The following ZXDC variants were observed in gnomAD, a reference collection of about 807,000 sequenced individuals.
ZXDC encodes zinc finger protein ZXDC.
ZXDC carries 58 observed loss-of-function variants against 63.6 expected under a neutral mutation model. That is an observed-to-expected ratio of 0.91 (90% confidence interval 0.74 to 1.13). ZXDC has a LOEUF of 1.13. ZXDC is among the 50% of genes most tolerant of loss of function. The probability of loss-of-function intolerance (pLI) is 0.00; values close to 1 mark genes in which losing one functional copy is unlikely to be tolerated. For synonymous variants in ZXDC, 561 were observed against 496.1 expected, an observed-to-expected ratio of 1.13 and a Z score of -1.74; for missense variants, 1,133 against 1,148.9, an observed-to-expected ratio of 0.99 and a Z score of 0.20.
At chr3:126,469,875 G>A (rs2107657086) in intron 4 of ZXDC, among the ~76,000 whole-genome samples, 1 of 152,304 alleles carries the variant, frequency 6.6e-6, no homozygotes, top group East Asian at 1.9e-4. Flanking sequence ...TTGTATATAT[G>A]TTCATTATGT....
intron 7 of ZXDC, chr3:126,453,119 A>T (rs758054088): frequency 1.0e-6 from 1 of 985,418 alleles, no homozygotes; most frequent in Non-Finnish European, 1.2e-6. Context: ...AAAGGGGGAG[A>T]ACTGAGGAAC....
At chr3:126,456,717 T>A (rs916605069) in intron 7 of ZXDC, among the ~76,000 whole-genome samples, 1 of 152,198 alleles carries the variant, frequency 6.6e-6, no homozygotes, top group East Asian at 1.9e-4. Flanking sequence ...AGGGTGGTCT[T>A]GAGGACCCCC....
intron 7 of ZXDC, among the ~76,000 whole-genome samples, chr3:126,447,571 T>G (rs983062291): frequency 1.3e-5 from 2 of 152,208 alleles, no homozygotes; most frequent in East Asian, 3.9e-4. Flanking sequence ...AAGTGTCAAA[T>G]AGATTGCGCC....
At chr3:126,459,017 G>A in intron 7 of ZXDC, 1 of 983,128 alleles carries the variant, frequency 1.0e-6, no homozygotes, top group Non-Finnish European at 1.2e-6. Flanking sequence ...AAGGACAAAT[G>A]AAATACACAA....
At chr3:126,474,759 C>T (rs947438538) in intron 1 of ZXDC, among the ~76,000 whole-genome samples, 200 bp downstream of exon 1, 3 of 152,260 alleles carry the variant, frequency 2.0e-5, no homozygotes, top group Non-Finnish European at 2.9e-5. Context: ...GTGATCTGCG[C>T]TACCTGCCAT....
chr3:126,453,819 T>G, intron 7 of ZXDC: 1 of 979,480 alleles, frequency 1.0e-6, no homozygotes. Flanking sequence ...CTCAGCCTCC[T>G]GAGTAGCTGA....
intron 7 of ZXDC, among the ~76,000 whole-genome samples, chr3:126,449,524 C>A (rs979533516): frequency 6.6e-6 from 1 of 152,252 alleles, no homozygotes; most frequent in Admixed American, 6.5e-5. Flanking sequence ...GCAGGTGGAG[C>A]CACACCTCAC....
intron 1 of ZXDC, among the ~76,000 whole-genome samples, chr3:126,473,663 G>A (rs887741534): frequency 6.6e-6 from 1 of 152,200 alleles, no homozygotes; most frequent in African/African-American, 2.4e-5. Flanking sequence ...AGAGGAATGC[G>A]CAAGACAGTC....
In ZXDC at chr3:126,474,996, G is replaced by T; in HGVS notation, c.870C>A (p.His290Gln). 6.3e-7 allele frequency: 1 copy of T among 1,594,622 alleles called. No homozygotes were observed. The highest frequency in any genetic ancestry group is 8.5e-7 in the Non-Finnish European group (1 of 1,171,328). ...HAKLSSHQRS[H>Q]FEPERPYKCD... ...ACTTGTAAGGGCGCTCGGGCTCGAA[G>T]TGGCTGCGCTGGTGGGAGCTGAGCT... The change falls in exon 1 of 10, where the codon CAC becomes CAA. Residue 290 changes from histidine (H) to glutamine (Q), a missense_variant. His to Gln is a conservative substitution (Grantham distance 24, BLOSUM62 0). Transcript: ENST00000389709.
intron 8 of ZXDC, chr3:126,440,173 C>T (rs1481000560): frequency 1.0e-6 from 1 of 1,003,850 alleles, no homozygotes; most frequent in African/African-American, 1.7e-5. Context: ...AGGACCAGGG[C>T]AGGTAGAGGG....
Position 126,475,541 on chromosome 3 carries a change from CG to C in ZXDC, c.324del (p.Glu109SerfsTer15). The C allele has an allele frequency of 7.4e-7, 1 of 1,344,410 alleles. No homozygotes were observed. Among genetic ancestry groups the C allele is most frequent in the Non-Finnish European group, 9.5e-7 (1 of 1,047,614 alleles). 83.3% of individuals were successfully genotyped at this position (1,344,410 alleles called of 1,614,324 possible). A position where few individuals can be genotyped will look rare whatever the true frequency, so the allele number is the denominator to read the frequency against. ...PGSRVNLASR[P>X]EQGPSGPAAP... ...GCGGCCGGGCCGCTGGGGCCCTGCT[CG>C]GGGCGGCTCGCCAGGTTGACACGGG... On this transcript the variant is annotated frameshift_variant, in exon 1 of 10. Coordinates refer to ENST00000389709, the MANE Select transcript of ZXDC (RefSeq NM_025112.5). LOFTEE classifies it high-confidence loss of function.
chr3:126,440,883 T>C, intron 8 of ZXDC: 1 of 985,594 alleles, frequency 1.0e-6, no homozygotes, highest in Non-Finnish European at 1.2e-6. Context: ...TTGGCGAGAC[T>C]CTCCCAGGAC....
At position 126,461,825 on chromosome 3, in the gene ZXDC, C is replaced by T. The variant is rs750900553; in HGVS notation, c.1837G>A (p.Val613Met). ...CTCAAGTTCTTCATGGGCAGAGCCA[C>T]CAGACAGCCTAATGCTCCTGCACTC... ...TVSAGALGCL[V>M]ALPMKNLSDD... The change falls in exon 6 of 10, where the codon GTG becomes ATG. Residue 613 changes from valine to methionine, a missense_variant. Transcript: ENST00000389709. 1.2e-6 allele frequency: 2 copies of T among 1,614,122 alleles called. No homozygotes were observed. The highest frequency in any genetic ancestry group is 1.7e-6 in the Non-Finnish European group (2 of 1,180,034).
chr3:126,455,075 G>A (rs1219923746), intron 7 of ZXDC: 2 of 985,232 alleles, frequency 2.0e-6, no homozygotes, highest in Non-Finnish European at 2.4e-6. Flanking sequence ...CTGTTACACT[G>A]CAACTGCTGT....
intron 7 of ZXDC, chr3:126,452,516 T>C (rs894170715): frequency 2.0e-6 from 2 of 985,336 alleles, no homozygotes; most frequent in African/African-American, 3.5e-5. Context: ...CCATCCATTT[T>C]GTAAATCAAA....
Position 126,475,316 on chromosome 3 carries a change from G to A in ZXDC, c.550C>T (p.Leu184=). The A allele has an allele frequency of 6.5e-7, 1 of 1,545,930 alleles. No individual in the cohort carries two copies. Among genetic ancestry groups the A allele is most frequent in the Admixed American group, 2.0e-5 (1 of 50,764 alleles). The change falls in exon 1 of 10, where the codon CTG becomes TTG. Residue 184 remains leucine, a synonymous_variant. Coordinates refer to ENST00000389709, the MANE Select transcript of ZXDC (RefSeq NM_025112.5). Reference sequence around the variant, plus strand: ...AGCTGGTGCTTCTTGGCGAAGGCCAGCGCGCACTGCGGCTCGGGGCAGCGG... The same window carrying A: ...AGCTGGTGCTTCTTGGCGAAGGCCAACGCGCACTGCGGCTCGGGGCAGCGG... ...GYRCPEPQCA[L]AFAKKHQLKV...
Position 126,475,238 on chromosome 3 carries a change from A to C in ZXDC, c.628T>G (p.Cys210Gly). 6.4e-7 allele frequency: 1 copy of C among 1,561,580 alleles called. No homozygotes were observed. Among genetic ancestry groups the C allele is most frequent in the Non-Finnish European group, 8.7e-7 (1 of 1,152,792 alleles). The change falls in exon 1 of 10, where the codon TGC becomes GGC. Residue 210 changes from cysteine (C) to glycine (G), a missense_variant. Coordinates refer to ENST00000389709, the MANE Select transcript of ZXDC (RefSeq NM_025112.5). ...GCCCAACCACAGCCCTCCAGTGGGC[A>C]CTTGAAGGGCCGCCGGCCCTGACCG... ...GGGQGRRPFK[C>G]PLEGCGWAFT... is the part of the protein sequence containing the mutation.
At chr3:126,461,044 T>C in intron 6 of ZXDC, 1 of 985,174 alleles carries the variant, frequency 1.0e-6, no homozygotes, top group Non-Finnish European at 1.2e-6. Flanking sequence ...GGAAGTACTC[T>C]TATAATCCTC....
intron 7 of ZXDC, chr3:126,453,935 ATAT>A: frequency 1.0e-6 from 1 of 984,358 alleles, no homozygotes; most frequent in South Asian, 4.7e-5. Flanking sequence ...CTAATTTAAC[ATAT>A]TATGATCAGA....
Sources: allele counts gnomAD v4.1 joint callset (sites outside exome capture counted in the v4.1 genomes callset), GRCh38; gene constraint gnomAD v4.1.1; transcripts MANE v1.5; gene names NCBI Gene and HGNC (gene_info 2026-07-23, HGNC 2026-07-21).